LOC128462377: variants seen among roughly 807,000 people sequenced by gnomAD.
the LOC128462377 span, among the ~76,000 whole-genome samples, chr16:89,382,075 G>C: frequency 6.6e-6 from 1 of 152,164 alleles, no homozygotes; most frequent in Non-Finnish European, 1.5e-5. Context: ...CAGTGAATGG[G>C]GCCCAGGCAG....
the LOC128462377 span, among the ~76,000 whole-genome samples, chr16:89,330,524 C>A: frequency 2.0e-5 from 3 of 151,174 alleles, no homozygotes; most frequent in Non-Finnish European, 4.4e-5. Context: ...GACGTGGCAG[C>A]GGGTTTCCAC....
At chr16:89,408,931 G>C in the LOC128462377 span, among the ~76,000 whole-genome samples, 3 of 152,218 alleles carry the variant, frequency 2.0e-5, no homozygotes, top group Non-Finnish European at 4.4e-5. Context: ...GGAAATACAA[G>C]TGAACAGGCC....
the LOC128462377 span, among the ~76,000 whole-genome samples, chr16:89,411,151 C>A: frequency 3.3e-5 from 5 of 152,260 alleles, no homozygotes; most frequent in Non-Finnish European, 7.3e-5. Context: ...GGGCTCGGGC[C>A]CACGCTGGCT....
the LOC128462377 span, among the ~76,000 whole-genome samples, chr16:89,408,879 T>C: frequency 2.0e-5 from 3 of 152,224 alleles, no homozygotes; most frequent in Non-Finnish European, 4.4e-5. Flanking sequence ...AGTGAAGATA[T>C]CTAGCAGAGC....
chr16:89,348,997 G>C, the LOC128462377 span, among the ~76,000 whole-genome samples: 1 of 151,178 alleles, frequency 6.6e-6, no homozygotes, highest in African/African-American at 2.4e-5. Context: ...GAGTAGTAGA[G>C]CGCACTTGTA....
chr16:89,351,217 T>C, the LOC128462377 span, among the ~76,000 whole-genome samples: 13 of 152,218 alleles, frequency 8.5e-5, no homozygotes, highest in Non-Finnish European at 4.4e-5. Context: ...GTGGTGGGCA[T>C]GGGCGAGGGG....
At chr16:89,339,371 AC>A in the LOC128462377 span, among the ~76,000 whole-genome samples, 1 of 152,338 alleles carries the variant, frequency 6.6e-6, no homozygotes, top group African/African-American at 2.4e-5. Context: ...AAACAAACAA[AC>A]AAACAAACAA....
chr16:89,404,963 G>A, the LOC128462377 span, among the ~76,000 whole-genome samples: 1 of 152,182 alleles, frequency 6.6e-6, no homozygotes, highest in Non-Finnish European at 1.5e-5. Flanking sequence ...AATGTAGTTT[G>A]TTGTTTTAAA....
At chr16:89,368,006 A>C in the LOC128462377 span, among the ~76,000 whole-genome samples, 2 of 152,232 alleles carry the variant, frequency 1.3e-5, no homozygotes, top group Admixed American at 1.3e-4. Context: ...TCACTCTCTC[A>C]AAACAAAAAA....
At chr16:89,324,480 A>T in the LOC128462377 span, 2 of 456,650 alleles carry the variant, frequency 4.4e-6, no homozygotes, top group Non-Finnish European at 8.8e-6. Flanking sequence ...GGACTAAAGG[A>T]TGTGTAACTG....
chr16:89,418,164 T>A, the LOC128462377 span: 3 of 411,506 alleles, frequency 7.3e-6, no homozygotes, highest in Non-Finnish European at 1.5e-5. Flanking sequence ...TCACAACATT[T>A]CGACAAAACT....
At chr16:89,377,281 G>C in the LOC128462377 span, among the ~76,000 whole-genome samples, 1 of 152,134 alleles carries the variant, frequency 6.6e-6, no homozygotes, top group Non-Finnish European at 1.5e-5. Context: ...GAGAGAGAGA[G>C]AGAGCATCAT....
the LOC128462377 span, among the ~76,000 whole-genome samples, chr16:89,357,395 C>A: frequency 1.3e-5 from 2 of 152,090 alleles, no homozygotes; most frequent in African/African-American, 4.8e-5. Flanking sequence ...TGTGGAGAAA[C>A]AGGAATCCTC....
At chr16:89,381,840 A>G in the LOC128462377 span, among the ~76,000 whole-genome samples, 1 of 152,218 alleles carries the variant, frequency 6.6e-6, no homozygotes, top group African/African-American at 2.4e-5. Flanking sequence ...AGGTCAGATG[A>G]GACCCAGGAG....
At chr16:89,341,830 C>T in the LOC128462377 span, among the ~76,000 whole-genome samples, 377 of 151,892 alleles carry the variant, frequency 2.5e-3, 1 homozygote, top group Middle Eastern at 0.01. Context: ...ACAGCAGCCA[C>T]GGCCCACGGC....
At chr16:89,393,758 C>G in the LOC128462377 span, among the ~76,000 whole-genome samples, 1 of 152,112 alleles carries the variant, frequency 6.6e-6, no homozygotes, top group African/African-American at 2.4e-5. Context: ...GCCTATTGCC[C>G]TTCATTCTGG....
the LOC128462377 span, among the ~76,000 whole-genome samples, chr16:89,404,131 TC>T: frequency 6.6e-6 from 1 of 152,202 alleles, no homozygotes; most frequent in Non-Finnish European, 1.5e-5. Context: ...TCAGGAGTCC[TC>T]TCAGCACCAA....
the LOC128462377 span, among the ~76,000 whole-genome samples, chr16:89,418,115 C>G: frequency 2.0e-5 from 3 of 152,198 alleles, no homozygotes; most frequent in Non-Finnish European, 4.4e-5. Flanking sequence ...TTACCTGTTA[C>G]CACTCTGAAT....
At chr16:89,376,314 C>T in the LOC128462377 span, among the ~76,000 whole-genome samples, 6 of 152,164 alleles carry the variant, frequency 3.9e-5, no homozygotes, top group African/African-American at 7.2e-5. Flanking sequence ...AGTTTTAGAA[C>T]GTTTGGCTTT....
Sources: allele counts gnomAD v4.1 joint callset (sites outside exome capture counted in the v4.1 genomes callset), GRCh38; gene constraint gnomAD v4.1.1; transcripts MANE v1.5.